NEDD8: variants seen among roughly 807,000 people sequenced by gnomAD.
The protein encoded by NEDD8 is ubiquitin-like protein NEDD8.
Under a neutral mutation model 13.8 loss-of-function variants are expected in NEDD8, and 1 was observed. The observed-to-expected ratio is 0.07, with a 90% CI of 0.03 to 0.34. The LOEUF (loss-of-function observed/expected upper bound fraction) is 0.34, where lower values mean the gene tolerates loss of function less well. Ranked by LOEUF, NEDD8 falls within the 10% of genes least tolerant of loss-of-function variation. The pLI, the probability that NEDD8 is intolerant of heterozygous loss-of-function variation, is 0.99. For missense variants in NEDD8, 10 were observed against 95.2 expected (o/e 0.10, Z 3.73); for synonymous variants, 31 against 33.2 (o/e 0.93, Z 0.23).
chr14:24,231,835 G>A (rs2040035665), intron 1 of NEDD8: 1 of 183,718 alleles, frequency 5.4e-6, no homozygotes, highest in Non-Finnish European at 1.1e-5. Flanking sequence ...GCTCGGAGGC[G>A]ACCTACGTTA....
Position 24,218,531 on chromosome 14 carries a change from A to G in NEDD8, c.19-100T>C, listed in dbSNP as rs1031186608. The stretch of plus-strand genomic sequence containing the variant: ...TGGTCTTTGGGATCTACTGCCTTCT[A>G]AAAGATGCATATTCTCAGCAGCACT... On this transcript the variant is annotated intron_variant, in intron 1 of 3. Coordinates refer to ENST00000250495, the MANE Select transcript of NEDD8 (RefSeq NM_006156.3). 6.0e-6 allele frequency: 9 copies of G among 1,511,696 alleles called. No homozygotes were observed. The African/African-American group carries it at 6.9e-5, about 12-fold the overall frequency. 93.6% of individuals were successfully genotyped at this position (1,511,696 alleles called of 1,614,324 possible).
intron 1 of NEDD8, chr14:24,231,503 G>GT (rs1220608933): frequency 1.3e-5 from 2 of 149,552 alleles, no homozygotes; most frequent in Middle Eastern, 3.2e-3. Context: ...GTGGGGGGGG[G>GT]GGTCTCTGTC....
At chr14:24,230,617 T>TG (rs1329948303) in intron 1 of NEDD8, among the ~76,000 whole-genome samples, 1 of 132,382 alleles carries the variant, frequency 7.6e-6, no homozygotes, top group African/African-American at 3.3e-5. Context: ...TCTCTCTTTC[T>TG]TTTTTTTTTT....
At chr14:24,231,258 G>T (rs1198994038) in intron 1 of NEDD8, among the ~76,000 whole-genome samples, 4 of 151,932 alleles carry the variant, frequency 2.6e-5, no homozygotes, top group African/African-American at 9.7e-5. Context: ...CTCTTATATA[G>T]GCCGCTACTC....
chr14:24,225,357 A>G (rs1030966901), intron 1 of NEDD8, among the ~76,000 whole-genome samples: 1 of 152,138 alleles, frequency 6.6e-6, no homozygotes, highest in African/African-American at 2.4e-5. Context: ...AACTGTTAAT[A>G]AAAAAAGAGA....
intron 3 of NEDD8, 31 bp downstream of exon 3, chr14:24,218,102 C>T (rs780499773): frequency 8.1e-6 from 13 of 1,613,484 alleles, no homozygotes; most frequent in African/African-American, 4.0e-5. Flanking sequence ...CACATAAGAT[C>T]GCCATGCTGT....
intron 1 of NEDD8, chr14:24,227,285 A>T (rs1002076159): frequency 2.6e-5 from 4 of 152,254 alleles, no homozygotes; most frequent in Non-Finnish European, 4.4e-5. Context: ...CAGTAAAGAC[A>T]GTTGCCAAAG....
chr14:24,224,128 A>G (rs2039852669), intron 1 of NEDD8, among the ~76,000 whole-genome samples: 1 of 151,896 alleles, frequency 6.6e-6, no homozygotes, highest in Non-Finnish European at 1.5e-5. Flanking sequence ...ACGGGTTTTC[A>G]CTGTGTTAGC....
At chr14:24,217,333 A>G in intron 3 of NEDD8, 110 bp from the exon 4 acceptor site, 1 of 877,356 alleles carries the variant, frequency 1.1e-6, no homozygotes, top group Non-Finnish European at 1.8e-6. Context: ...TCTGTCATCT[A>G]GGCTGGAGTA....
chr14:24,217,937 C>A, intron 3 of NEDD8, 196 bp downstream of exon 3: 1 of 510,772 alleles, frequency 2.0e-6, no homozygotes. Context: ...AATTAGTTTT[C>A]CTTTAATTCT....
intron 1 of NEDD8, among the ~76,000 whole-genome samples, chr14:24,220,202 G>GT (rs1276671358): frequency 6.6e-6 from 1 of 152,168 alleles, no homozygotes; most frequent in African/African-American, 2.4e-5. Context: ...ACAGCTAGTT[G>GT]TTTAAGTGTT....
rs764946904 is a variant in NEDD8, at chr14:24,218,377, G to A, written c.66+7C>T. ...AAGTACATGAAGAGGAGTTGGGCAT[G>A]CATCACCTTGTCTGTAGGTTCAATG... On this transcript the variant is annotated splice_region_variant and intron_variant, in intron 2 of 3. Transcript: ENST00000250495. 6.8e-6 allele frequency: 11 copies of A among 1,614,220 alleles called. No individual in the cohort carries two copies. Among genetic ancestry groups the A allele is most frequent in the South Asian group, 1.1e-5 (1 of 91,086 alleles).
intron 1 of NEDD8, among the ~76,000 whole-genome samples, chr14:24,221,676 C>A (rs939655530): frequency 1.3e-5 from 2 of 152,148 alleles, no homozygotes; most frequent in African/African-American, 4.8e-5. Context: ...GCTCACCCTG[C>A]AACCTCTGCC....
chr14:24,225,836 C>T (rs1041034778), intron 1 of NEDD8, among the ~76,000 whole-genome samples: 1 of 151,924 alleles, frequency 6.6e-6, no homozygotes, highest in East Asian at 1.9e-4. Context: ...GTCAGGAGTT[C>T]GAGGCCAGCC....
chr14:24,230,624 T>G (rs1224215875), intron 1 of NEDD8, among the ~76,000 whole-genome samples: 1 of 151,220 alleles, frequency 6.6e-6, no homozygotes, highest in Non-Finnish European at 1.5e-5. Flanking sequence ...TTCTTTTTTT[T>G]TTTTGCAGGG....
chr14:24,229,444 T>G (rs1030826085), intron 1 of NEDD8, among the ~76,000 whole-genome samples: 4 of 152,274 alleles, frequency 2.6e-5, no homozygotes, highest in Non-Finnish European at 4.4e-5. Flanking sequence ...GGTCTTGAAC[T>G]CCTGACCTCG....
chr14:24,221,597 T>C (rs1212887224), intron 1 of NEDD8, among the ~76,000 whole-genome samples: 1 of 150,956 alleles, frequency 6.6e-6, no homozygotes, highest in East Asian at 2.0e-4. Flanking sequence ...CAAATTTTTA[T>C]TTATTTATTT....
intron 1 of NEDD8, among the ~76,000 whole-genome samples, chr14:24,229,977 G>A (rs904311619): frequency 6.6e-6 from 1 of 151,996 alleles, no homozygotes; most frequent in Non-Finnish European, 1.5e-5. Flanking sequence ...AGCTGAGGCA[G>A]GAGAATCGCT....
chr14:24,220,007 C>T (rs1032194939), intron 1 of NEDD8, among the ~76,000 whole-genome samples: 8 of 152,126 alleles, frequency 5.3e-5, no homozygotes, highest in Admixed American at 1.3e-4. Flanking sequence ...GGCGTGGTGG[C>T]GCATGCCTGT....
Sources: gnomAD v4.1 joint callset for allele counts (sites outside exome capture counted in the v4.1 genomes callset) on GRCh38, gnomAD v4.1.1 for gene constraint, MANE v1.5 for transcripts, NCBI Gene and HGNC (gene_info 2026-07-23, HGNC 2026-07-21) for gene names.